Variants in KIF2A observed in about 807,000 individuals in gnomAD.
The protein encoded by KIF2A is kinesin family member 2A.
A neutral mutation model predicts 100.2 loss-of-function variants in KIF2A; 22 were observed. That is an observed-to-expected ratio of 0.22 (90% CI 0.16 to 0.31). The LOEUF is 0.31. Ranked by LOEUF, KIF2A falls within the 10% of genes least tolerant of loss-of-function variation. The probability of loss-of-function intolerance (pLI) is 1.00; values close to 1 mark genes in which losing one functional copy is unlikely to be tolerated. For synonymous variants in KIF2A, 268 were observed against 285.9 expected (o/e 0.94, Z 0.63); for missense variants, 495 against 898.7 (o/e 0.55, Z 5.74).
At chr5:62,345,319 C>T (rs1275216194) in intron 1 of KIF2A, among the ~76,000 whole-genome samples, 2 of 151,646 alleles carry the variant, frequency 1.3e-5, no homozygotes, top group African/African-American at 2.4e-5. Context: ...ACCCCAGACA[C>T]GGAGGTTGTG....
At chr5:62,337,717 C>T (rs564578629) in intron 1 of KIF2A, among the ~76,000 whole-genome samples, 7 of 151,488 alleles carry the variant, frequency 4.6e-5, no homozygotes, top group African/African-American at 7.3e-5. Flanking sequence ...CCTTGCTACT[C>T]GGCAGGCTGA....
chr5:62,338,377 C>T (rs983827752), intron 1 of KIF2A, among the ~76,000 whole-genome samples: 1 of 152,196 alleles, frequency 6.6e-6, no homozygotes, highest in Non-Finnish European at 1.5e-5. Flanking sequence ...CAACCTCTGC[C>T]TCCCGGGCTC....
chr5:62,361,373 A>G, intron 10 of KIF2A, 41 bp downstream of exon 10: 10 of 1,494,858 alleles, frequency 6.7e-6, no homozygotes, highest in Non-Finnish European at 8.4e-6. Flanking sequence ...ACGAAGCTAC[A>G]GTTTCTTTTC....
intron 1 of KIF2A, chr5:62,308,363 A>T: frequency 6.8e-7 from 1 of 1,476,836 alleles, no homozygotes; most frequent in Non-Finnish European, 9.0e-7. Context: ...ATTATTTTGA[A>T]GATTCTGGGT....
intron 20 of KIF2A, among the ~76,000 whole-genome samples, chr5:62,382,697 G>C (rs1028355763): frequency 5.5e-5 from 8 of 146,074 alleles, no homozygotes; most frequent in African/African-American, 2.1e-4. Flanking sequence ...ACAATGGCAC[G>C]ATCTCAGCTC....
In KIF2A at chr5:62,328,049, C is replaced by G. The variant is rs1004477848; in HGVS notation, c.65-19081C>G. On this transcript the variant is annotated intron_variant, in intron 1 of 20. Transcript: ENST00000407818. ...ATTAGATAGCATCGTTCAGTGTATT[C>G]AGGAGAATACCTGGGAAAGACAGTT... Among the ~76,000 whole-genome samples, 4 of 152,196 alleles carry G rather than the reference C, an allele frequency of 2.6e-5. No homozygotes were observed. In the East Asian group the frequency reaches 7.7e-4, roughly 29 times the overall value.
intron 1 of KIF2A, among the ~76,000 whole-genome samples, chr5:62,324,998 A>G (rs1561252134): frequency 6.6e-6 from 1 of 152,290 alleles, no homozygotes; most frequent in Non-Finnish European, 1.5e-5. Flanking sequence ...ATTCAAGCAA[A>G]AAGCAAACAG....
At chr5:62,384,960 T>C (rs247255) in intron 20 of KIF2A, among the ~76,000 whole-genome samples, 73,911 of 151,896 alleles carry the variant, frequency 0.49, 18,911 homozygotes, top group African/African-American at 0.64. Flanking sequence ...ATGGCCAACA[T>C]GGTAAAACCC....
intron 1 of KIF2A, among the ~76,000 whole-genome samples, chr5:62,334,782 C>G (rs1269085518): frequency 6.6e-6 from 1 of 152,168 alleles, no homozygotes; most frequent in Non-Finnish European, 1.5e-5. Flanking sequence ...AATCTGCACA[C>G]CCAGCCACAC....
chr5:62,326,202 T>G (rs1205307325), intron 1 of KIF2A, among the ~76,000 whole-genome samples: 1 of 152,218 alleles, frequency 6.6e-6, no homozygotes, highest in East Asian at 1.9e-4. Flanking sequence ...ATCCCATGTA[T>G]TTCCTGCCAG....
At chr5:62,327,999 T>G (rs1253999491) in intron 1 of KIF2A, among the ~76,000 whole-genome samples, 2 of 152,234 alleles carry the variant, frequency 1.3e-5, no homozygotes, top group Non-Finnish European at 2.9e-5. Flanking sequence ...TGGAATTCCC[T>G]TTTGGGTAAA....
chr5:62,342,999 G>T (rs1028607519), intron 1 of KIF2A, among the ~76,000 whole-genome samples: 4 of 152,008 alleles, frequency 2.6e-5, no homozygotes, highest in African/African-American at 4.8e-5. Flanking sequence ...TGATCTGCCC[G>T]CCTCAGCCTC....
chr5:62,328,434 T>A (rs1484268559), intron 1 of KIF2A, among the ~76,000 whole-genome samples: 2 of 152,204 alleles, frequency 1.3e-5, no homozygotes, highest in East Asian at 1.9e-4. Context: ...GACGGTGTTT[T>A]AACCTTCCTT....
At position 62,306,386 on chromosome 5, in the gene KIF2A, C is replaced by T; in HGVS notation, c.-87C>T. Reference sequence around the variant, plus strand: ...GGCGCGGCCGCGGGCAACCGCTCCCCCTCCCACACCTACCCCGCCCCCTCC... The same window carrying T: ...GGCGCGGCCGCGGGCAACCGCTCCCTCTCCCACACCTACCCCGCCCCCTCC... On this transcript the variant is annotated 5_prime_UTR_variant, in exon 1 of 21. Transcript: ENST00000407818. 1.0e-6 allele frequency: 1 copy of T among 955,832 alleles called. No homozygotes were observed. Among genetic ancestry groups the T allele is most frequent in the East Asian group, 2.9e-5 (1 of 34,776 alleles). The allele number at this position is 955,832 out of a possible 1,614,324, so 59.2% of individuals were successfully genotyped here.
rs915380011 is a variant in KIF2A at position 62,344,302 on chromosome 5, C to G, written c.65-2828C>G. On this transcript the variant is annotated intron_variant, in intron 1 of 20. Coordinates refer to ENST00000407818, the MANE Select transcript of KIF2A (RefSeq NM_001098511.3). ...GAGGTTGCAGTGAGCCGAGCGAGAT[C>G]GCACCACTGCAGTCCAACCTGGTGA... Among the ~76,000 whole-genome samples the G allele has an allele frequency of 6.6e-5, 10 of 150,422 alleles. No individual in the cohort carries two copies. In the East Asian group the frequency reaches 2.0e-3, roughly 30 times the overall value.
intron 16 of KIF2A, among the ~76,000 whole-genome samples, chr5:62,368,394 G>T (rs1741180515): frequency 6.6e-6 from 1 of 151,750 alleles, no homozygotes; most frequent in African/African-American, 2.4e-5. Context: ...TTTCTAAAGG[G>T]ATTTTCTTAA....
intron 18 of KIF2A, among the ~76,000 whole-genome samples, chr5:62,377,169 T>A (rs1022719891): frequency 1.3e-5 from 1 of 75,926 alleles, no homozygotes. Flanking sequence ...ATTTAAGAAA[T>A]TAGTTAAGAG....
At position 62,386,022 on chromosome 5, in the gene KIF2A, T is replaced by G. The variant is rs566726625; in HGVS notation, c.*453T>G. On this transcript the variant is annotated 3_prime_UTR_variant, in exon 21 of 21. Coordinates refer to ENST00000407818, the MANE Select transcript of KIF2A (RefSeq NM_001098511.3). ...CCTTGCCCACTCCTAGAGACAGCTG[T>G]GCTCACCTTTTCCTGCTTTGTGCCT... 1 of 153,782 alleles carries G rather than the reference T, an allele frequency of 6.5e-6. No homozygotes were observed. The highest frequency in any genetic ancestry group is 2.4e-5 in the African/African-American group (1 of 41,614). 9.5% of individuals were successfully genotyped at this position (153,782 alleles called of 1,614,324 possible). A position where few individuals can be genotyped will look rare whatever the true frequency, so the allele number is the denominator to read the frequency against.
chr5:62,325,454 C>T (rs1409879534), intron 1 of KIF2A, among the ~76,000 whole-genome samples: 1 of 79,326 alleles, frequency 1.3e-5, no homozygotes, highest in African/African-American at 4.4e-5. Flanking sequence ...TTCATTCCTG[C>T]TCTGAAAGAA....
Sources: allele counts gnomAD v4.1 joint callset (sites outside exome capture counted in the v4.1 genomes callset), GRCh38; gene constraint gnomAD v4.1.1; transcripts MANE v1.5; gene names NCBI Gene and HGNC (gene_info 2026-07-23, HGNC 2026-07-21).